The following UNC5C variants were observed in gnomAD, a reference collection of about 807,000 sequenced individuals.
UNC5C encodes unc-5 netrin receptor C.
In UNC5C, 47 loss-of-function variants were observed where a neutral mutation model predicts 99.8. That is an observed-to-expected ratio of 0.47 (90% CI 0.37 to 0.60). UNC5C has a LOEUF of 0.60. Ranked by LOEUF, UNC5C falls within the 20% of genes least tolerant of loss-of-function variation. UNC5C has a pLI of 0.00. For missense variants in UNC5C, 1,062 were observed against 1,165.9 expected (o/e 0.91, Z 1.30); for synonymous variants, 487 against 452.2 (o/e 1.08, Z -0.98).
chr4:95,302,565 A>G lies in UNC5C; in HGVS notation c.347-816T>C, dbSNP rs1340066842. On this transcript the variant is annotated intron_variant, in intron 2 of 15. Coordinates refer to ENST00000453304, the MANE Select transcript of UNC5C (RefSeq NM_003728.4). ...GCCCTGAGCAAGAGGGGTTATCTGAACAACATATGTGGGCAACTGCCAGTT... is the reference window on the plus strand; with the variant it reads ...GCCCTGAGCAAGAGGGGTTATCTGAGCAACATATGTGGGCAACTGCCAGTT... 4.6e-5 allele frequency among the ~76,000 whole-genome samples: 7 copies of G among 152,306 alleles called. 1 individual carries two copies. The highest frequency in any genetic ancestry group is 4.6e-4 in the Admixed American group (7 of 15,298).
At chr4:95,456,805 T>G (rs931170365) in intron 1 of UNC5C, among the ~76,000 whole-genome samples, 7 of 152,142 alleles carry the variant, frequency 4.6e-5, no homozygotes, top group Non-Finnish European at 1.0e-4. Context: ...CAAATACTAT[T>G]AAAAGATTCA....
intron 1 of UNC5C, among the ~76,000 whole-genome samples, chr4:95,446,705 C>T (rs919596455): frequency 2.0e-5 from 3 of 152,152 alleles, no homozygotes; most frequent in East Asian, 3.8e-4. Flanking sequence ...GGCTACACAA[C>T]TATAGTGGTT....
intron 1 of UNC5C, among the ~76,000 whole-genome samples, chr4:95,391,632 G>A (rs1360279677): frequency 1.3e-5 from 2 of 151,446 alleles, no homozygotes; most frequent in African/African-American, 2.4e-5. Flanking sequence ...CTGTATTGAT[G>A]TATTAAATAT....
chr4:95,300,347 C>A (rs1173130532), intron 3 of UNC5C, among the ~76,000 whole-genome samples: 1 of 152,088 alleles, frequency 6.6e-6, no homozygotes. Flanking sequence ...GCTTCTATAA[C>A]TTTGTCAAAA....
rs1240211152 is a variant in UNC5C, at chr4:95,216,310, T to C, written c.1646-99A>G. 6.9e-6 allele frequency: 6 copies of C among 868,766 alleles called. No individual in the cohort carries two copies. The Admixed American group carries it at 1.5e-4, about 21-fold the overall frequency. The allele number at this position is 868,766 out of a possible 1,614,324, so 53.8% of individuals were successfully genotyped here. A position where few individuals can be genotyped will look rare whatever the true frequency, so the allele number is the denominator to read the frequency against. ...CCGCGCAGCCATAAGCCTGCTTCAT[T>C]TTCTCTAAAGACATGTAAATATTCC... On this transcript the variant is annotated intron_variant, in intron 9 of 15. Coordinates refer to ENST00000453304, the MANE Select transcript of UNC5C (RefSeq NM_003728.4).
intron 7 of UNC5C, 73 bp downstream of exon 7, chr4:95,242,356 G>A: frequency 6.4e-7 from 1 of 1,566,620 alleles, no homozygotes; most frequent in Non-Finnish European, 8.7e-7. Flanking sequence ...TATTTCTAAT[G>A]TTTCCTTAAA....
chr4:95,469,155 C>T (rs558007906), intron 1 of UNC5C, among the ~76,000 whole-genome samples: 19 of 152,082 alleles, frequency 1.2e-4, no homozygotes, highest in Non-Finnish European at 2.2e-4. Context: ...ATTTCTTTTG[C>T]GGCATTTCTT....
chr4:95,245,195 A>T, intron 5 of UNC5C, 51 bp from the exon 6 acceptor site: 1 of 1,486,578 alleles, frequency 6.7e-7, no homozygotes, highest in Non-Finnish European at 9.1e-7. Flanking sequence ...TGCATGCACA[A>T]CACACATGGA....
chr4:95,272,041 T>A (rs946147808), intron 4 of UNC5C, among the ~76,000 whole-genome samples: 1 of 116,220 alleles, frequency 8.6e-6, no homozygotes, highest in African/African-American at 3.6e-5. Flanking sequence ...AGATCTCAGC[T>A]CCATTACTGT....
At chr4:95,421,970 T>C (rs1746332060) in intron 1 of UNC5C, among the ~76,000 whole-genome samples, 1 of 152,224 alleles carries the variant, frequency 6.6e-6, no homozygotes, top group Non-Finnish European at 1.5e-5. Flanking sequence ...CAACTTCATT[T>C]ATTTGCACTA....
chr4:95,301,320 C>T (rs1353799344), intron 3 of UNC5C, among the ~76,000 whole-genome samples: 4 of 151,614 alleles, frequency 2.6e-5, no homozygotes, highest in South Asian at 2.1e-4. Flanking sequence ...CTCAGCCTCC[C>T]GAGTAACTGG....
At chr4:95,177,051 C>T (rs1327651068) in intron 14 of UNC5C, among the ~76,000 whole-genome samples, 1 of 152,178 alleles carries the variant, frequency 6.6e-6, no homozygotes, top group East Asian at 1.9e-4. Flanking sequence ...AAGGGAACTC[C>T]CTGACCCCTT....
At chr4:95,312,137 CTG>C (rs924519783) in intron 2 of UNC5C, among the ~76,000 whole-genome samples, 1 of 152,162 alleles carries the variant, frequency 6.6e-6, no homozygotes, top group Admixed American at 6.6e-5. Flanking sequence ...GATAAGGTCT[CTG>C]TTCTCCTGTG....
chr4:95,287,481 G>A (rs1181318261), intron 3 of UNC5C, among the ~76,000 whole-genome samples: 1 of 152,176 alleles, frequency 6.6e-6, no homozygotes, highest in African/African-American at 2.4e-5. Flanking sequence ...AGCTCTTTCA[G>A]GTATAGCAGG....
In UNC5C at chr4:95,497,592, A is replaced by C. The variant is rs75753051; in HGVS notation, c.124+51142T>G. 1.9e-3 allele frequency among the ~76,000 whole-genome samples: 290 copies of C among 152,090 alleles called. 5 individuals are homozygous for C. The East Asian group carries it at 0.048, about 25-fold the overall frequency. ...ATCACTAATGGTCTCTCAGTGGTGT[A>C]AACAAATAACAAGACTTAATGTAAT... On this transcript the variant is annotated intron_variant, in intron 1 of 15. Coordinates refer to ENST00000453304, the MANE Select transcript of UNC5C (RefSeq NM_003728.4).
At position 95,278,291 on chromosome 4, in the gene UNC5C, A is replaced by C; in HGVS notation, c.562T>G (p.Cys188Gly). ...VSLEQEVLLQCRPPEGIPVAE... is the reference protein window; with the variant it reads ...VSLEQEVLLQGRPPEGIPVAE... ...ACTGGGATCCCTTCAGGTGGTCGAC[A>C]CTGGAGTAAGACTTCCTGTTCCAAA... The change falls in exon 4 of 16, where the codon TGT (cysteine) becomes GGT (glycine). Residue 188 changes from cysteine to glycine, a missense_variant. By Grantham distance (159) the Cys-to-Gly change is radical. Around this residue, in one of 3 missense-constraint regions of UNC5C, gnomAD observed 249 missense variants for 295.1 expected, o/e 0.84. Transcript: ENST00000453304. 1 of 1,614,142 alleles carries C rather than the reference A, an allele frequency of 6.2e-7. No individual in the cohort carries two copies. Among genetic ancestry groups the C allele is most frequent in the Non-Finnish European group, 8.5e-7 (1 of 1,180,008 alleles).
At chr4:95,436,251 C>T (rs1746784658) in intron 1 of UNC5C, among the ~76,000 whole-genome samples, 1 of 150,844 alleles carries the variant, frequency 6.6e-6, no homozygotes, top group Non-Finnish European at 1.5e-5. Context: ...AAGTAATAAC[C>T]CATAGTATAT....
intron 1 of UNC5C, among the ~76,000 whole-genome samples, chr4:95,522,200 T>C (rs951172846): frequency 6.6e-6 from 1 of 152,034 alleles, no homozygotes; most frequent in African/African-American, 2.4e-5. Flanking sequence ...TAAGTAATAC[T>C]CTAATACTCT....
At chr4:95,509,644 C>T (rs542109292) in intron 1 of UNC5C, among the ~76,000 whole-genome samples, 157 of 151,782 alleles carry the variant, frequency 1.0e-3, no homozygotes, top group Middle Eastern at 0.01. Context: ...AACACAATTA[C>T]TAGATAATTA....
Sources: gnomAD v4.1 joint callset for allele counts (sites outside exome capture counted in the v4.1 genomes callset) on GRCh38, gnomAD v4.1.1 for gene constraint, gnomAD v4.1.1 regional missense constraint, MANE v1.5 for transcripts, NCBI Gene and HGNC (gene_info 2026-07-23, HGNC 2026-07-21) for gene names.